LRRK1: variants seen among roughly 807,000 people sequenced by gnomAD.
LRRK1 encodes the protein leucine-rich repeat serine/threonine-protein kinase 1.
Under a neutral mutation model 209.1 loss-of-function variants are expected in LRRK1, and 113 were observed. The ratio of observed to expected loss-of-function variants is 0.54; its 90% CI spans 0.46 to 0.63. The LOEUF (loss-of-function observed/expected upper bound fraction) is 0.63, where lower values mean the gene tolerates loss of function less well. LRRK1 is among the 30% of genes least tolerant of loss of function. LRRK1 has a pLI of 0.00. For synonymous variants in LRRK1, 1,144 were observed against 1,099.7 expected (o/e 1.04, Z -0.80); for missense variants, 2,284 against 2,632.2 (o/e 0.87, Z 2.89).
chr15:101,034,997 T>G (rs7169099), intron 20 of LRRK1, among the ~76,000 whole-genome samples: 60,165 of 151,814 alleles, frequency 0.4, 12,251 homozygotes, highest in Non-Finnish European at 0.44. Flanking sequence ...TTGGTTACTC[T>G]AGCTAGTGAT....
At chr15:100,977,193 A>AAT (rs1398189305) in intron 3 of LRRK1, among the ~76,000 whole-genome samples, 1 of 151,552 alleles carries the variant, frequency 6.6e-6, no homozygotes, top group African/African-American at 2.4e-5. Context: ...CAGAGAAAAA[A>AAT]AAAAAAAATT....
intron 27 of LRRK1, among the ~76,000 whole-genome samples, chr15:101,055,926 G>A (rs1302117522): frequency 6.6e-6 from 1 of 152,128 alleles, no homozygotes; most frequent in East Asian, 1.9e-4. Flanking sequence ...TTCTACAGAT[G>A]GTCATTGACT....
rs1471187754 is a variant in LRRK1 at position 101,024,790 on chromosome 15, G to C, written c.2068-13G>C. On this transcript the variant is annotated splice_polypyrimidine_tract_variant and intron_variant, in intron 15 of 33. Coordinates refer to ENST00000388948, the MANE Select transcript of LRRK1 (RefSeq NM_024652.6). This position sits in a 1 kb window ranked among gnomAD's most constrained non-coding sequence, Gnocchi z 4.6. ...TAAAATGCCTCCCTGTCGCTGCCTT[G>C]TTGCTCAAGTAGGTTGAGTCCGTGG... 4.4e-6 allele frequency: 7 copies of C among 1,605,392 alleles called. 1 individual carries two copies. In the Middle Eastern group the frequency reaches 5.0e-4, roughly 114 times the overall value.
chr15:101,040,396 T>C (rs2034694138), intron 20 of LRRK1, among the ~76,000 whole-genome samples: 1 of 152,170 alleles, frequency 6.6e-6, no homozygotes. Flanking sequence ...ATTAATAATA[T>C]GTCTTTTCTC....
rs1392637520 is a variant in LRRK1, at chr15:101,022,512, G to A, written c.1982G>A (p.Gly661Glu). 1.9e-6 allele frequency: 3 copies of A among 1,614,208 alleles called. No individual in the cohort carries two copies. Among genetic ancestry groups the A allele is most frequent in the African/African-American group, 1.3e-5 (1 of 75,060 alleles). Residue 661 changes from glycine to glutamate, a missense_variant, in exon 15 of 34, where the codon GGG becomes GAG. This residue lies in a region of LRRK1 where 494 missense variants were observed against 522.1 expected (regional missense o/e 0.95). Coordinates refer to ENST00000388948, the MANE Select transcript of LRRK1 (RefSeq NM_024652.6). This position sits in a 1 kb window ranked among gnomAD's most constrained non-coding sequence, Gnocchi z 4.0. Reference sequence around the variant, plus strand: ...ACCCTCCTGGAGATCTTACAGACGGGGAGGGCCCCCCAGGTGGTGCATGGA... The same window carrying A: ...ACCCTCCTGGAGATCTTACAGACGGAGAGGGCCCCCCAGGTGGTGCATGGA... ...KSTLLEILQT[G>E]RAPQVVHGEA...
intron 10 of LRRK1, among the ~76,000 whole-genome samples, chr15:101,013,178 G>T (rs1242471931): frequency 1.3e-5 from 2 of 152,162 alleles, no homozygotes; most frequent in Non-Finnish European, 1.5e-5. Context: ...GGGCTTGGGG[G>T]ACCCTGAGGT....
chr15:101,051,625 T>A (rs1365437056), intron 23 of LRRK1, 86 bp from the exon 24 acceptor site: 3 of 1,525,360 alleles, frequency 2.0e-6, no homozygotes, highest in Admixed American at 1.9e-5. Flanking sequence ...TGCGAAGGCC[T>A]CAGGGCCTGG....
chr15:100,930,643 T>C (rs536310577), intron 2 of LRRK1, among the ~76,000 whole-genome samples: 2 of 152,344 alleles, frequency 1.3e-5, no homozygotes, highest in East Asian at 3.9e-4. Flanking sequence ...TTGGCATGCA[T>C]TCAGCCACCA....
chr15:101,037,770 T>C (rs1275593409), intron 20 of LRRK1, among the ~76,000 whole-genome samples: 1 of 152,192 alleles, frequency 6.6e-6, no homozygotes, highest in East Asian at 1.9e-4. Flanking sequence ...TCCCGGACAG[T>C]ACACAGTCTG....
Position 100,973,837 on chromosome 15 carries a change from G to A in LRRK1, c.131G>A (p.Arg44Gln), listed in dbSNP as rs2031116479. The A allele has an allele frequency of 7.7e-7, 1 of 1,293,744 alleles. No individual in the cohort carries two copies. 80.1% of individuals were successfully genotyped at this position (1,293,744 alleles called of 1,614,324 possible). A position where few individuals can be genotyped will look rare whatever the true frequency, so the allele number is the denominator to read the frequency against. ...AGDTGGKPST[R>Q]GGDPAARSRR... ...GACACGGGCGGCAAGCCGTCCACGC[G>A]GGGCGGTGACCCTGCAGCGCGGTCC... Residue 44 changes from arginine to glutamine, a missense_variant, in exon 3 of 34, where the codon CGG (arginine) becomes CAG (glutamine). Transcript: ENST00000388948.
At chr15:101,058,617 C>CGGGGAGTGGGG (rs10668251) in intron 29 of LRRK1, among the ~76,000 whole-genome samples, 3 of 75,338 alleles carry the variant, frequency 4.0e-5, no homozygotes, top group African/African-American at 7.8e-5. Context: ...GAAGGGGCAA[C>CGGGGAGTGGGG]GGGGGGGGGC....
chr15:101,054,918 A>G, intron 26 of LRRK1, 28 bp from the exon 27 acceptor site: 1 of 1,545,946 alleles, frequency 6.5e-7, no homozygotes, highest in African/African-American at 1.4e-5. Context: ...AAATTTTGAT[A>G]CATTTGAAAA....
intron 2 of LRRK1, among the ~76,000 whole-genome samples, chr15:100,969,774 G>T (rs1363780718): frequency 6.6e-6 from 1 of 152,148 alleles, no homozygotes; most frequent in East Asian, 1.9e-4. Context: ...GTGTTAGCTT[G>T]CTGAGGATAA....
At chr15:100,949,335 A>T (rs2042601248) in intron 2 of LRRK1, among the ~76,000 whole-genome samples, 1 of 152,210 alleles carries the variant, frequency 6.6e-6, no homozygotes, top group African/African-American at 2.4e-5. Flanking sequence ...AAGAAGTAGA[A>T]AATCTAATTA....
At chr15:100,953,304 T>TGGCAACCACCATTCACTCTC (rs1187863087) in intron 2 of LRRK1, among the ~76,000 whole-genome samples, 2 of 152,180 alleles carry the variant, frequency 1.3e-5, no homozygotes, top group African/African-American at 2.4e-5. Flanking sequence ...CCCCAGCTCT[T>TGGCAACCACCATTCACTCTC]GGCAACCACC....
intron 2 of LRRK1, among the ~76,000 whole-genome samples, chr15:100,972,351 A>C (rs1489628349): frequency 7.5e-6 from 1 of 133,600 alleles, no homozygotes; most frequent in Non-Finnish European, 1.6e-5. Flanking sequence ...AGAGAGAGAG[A>C]GAGAGAGAGA....
At chr15:100,923,777 C>G (rs1034361894) in intron 1 of LRRK1, among the ~76,000 whole-genome samples, 2 of 152,184 alleles carry the variant, frequency 1.3e-5, no homozygotes, top group African/African-American at 4.8e-5. Context: ...AATAGCAGTC[C>G]TGTACATTGT....
At chr15:100,943,770 T>C (rs890554535) in intron 2 of LRRK1, among the ~76,000 whole-genome samples, 1 of 148,586 alleles carries the variant, frequency 6.7e-6, no homozygotes. Flanking sequence ...ATCCGCCTCC[T>C]GGGTTCAAGC....
intron 6 of LRRK1, among the ~76,000 whole-genome samples, chr15:101,005,153 G>A (rs1245313692): frequency 6.6e-6 from 1 of 152,142 alleles, no homozygotes; most frequent in African/African-American, 2.4e-5. Flanking sequence ...CTGAGACCTG[G>A]GTGTGTCTCT....
Sources: allele counts gnomAD v4.1 joint callset (sites outside exome capture counted in the v4.1 genomes callset), GRCh38; gene constraint gnomAD v4.1.1; regional missense constraint gnomAD v4.1.1; non-coding constraint Gnocchi (gnomAD v3.1); transcripts MANE v1.5; gene names NCBI Gene and HGNC (gene_info 2026-07-23, HGNC 2026-07-21).